SDK1: variants seen among roughly 807,000 people sequenced by gnomAD.
SDK1 encodes protein sidekick-1.
Under a neutral mutation model 245.5 loss-of-function variants are expected in SDK1, and 157 were observed. The observed-to-expected ratio is 0.64, with a 90% CI of 0.56 to 0.73. The LOEUF (loss-of-function observed/expected upper bound fraction) is 0.73. Among genes scored for constraint, SDK1 ranks in the 30% least tolerant of loss-of-function variants. The probability of loss-of-function intolerance (pLI) is 0.00; values close to 1 mark genes in which losing one functional copy is unlikely to be tolerated. For missense variants in SDK1, 3,583 were observed against 3,002.3 expected, an observed-to-expected ratio of 1.19 and a Z score of -4.52; for synonymous variants, 1,647 against 1,278.5, an observed-to-expected ratio of 1.29 and a Z score of -6.15.
intron 34 of SDK1, 131 bp downstream of exon 34, chr7:4,175,965 C>A: frequency 1.4e-6 from 1 of 735,258 alleles, no homozygotes; most frequent in South Asian, 1.5e-5. Flanking sequence ...CTCTCAAACG[C>A]TGCGTCTCCA....
intron 18 of SDK1, among the ~76,000 whole-genome samples, chr7:4,050,944 C>T (rs10263906): frequency 0.31 from 43,070 of 138,286 alleles, 10,266 homozygotes; most frequent in African/African-American, 0.68. Context: ...ACATACTATA[C>T]GTATATATTA....
At chr7:4,171,542 C>T (rs891529935) in intron 32 of SDK1, among the ~76,000 whole-genome samples, 16 of 152,178 alleles carry the variant, frequency 1.1e-4, no homozygotes, top group African/African-American at 3.4e-4. Context: ...GGCTCTGGTT[C>T]GGCGGTTCTG....
chr7:3,794,638 T>A (rs1336739057), intron 4 of SDK1, among the ~76,000 whole-genome samples: 1 of 152,196 alleles, frequency 6.6e-6, no homozygotes, highest in Non-Finnish European at 1.5e-5. Flanking sequence ...CTCTACTGCC[T>A]GGATTCTGCA....
intron 4 of SDK1, among the ~76,000 whole-genome samples, chr7:3,753,658 T>C (rs1283387325): frequency 1.3e-5 from 2 of 152,174 alleles, no homozygotes; most frequent in African/African-American, 2.4e-5. Flanking sequence ...GTAAACCTGT[T>C]TATCACAGGC....
At chr7:3,549,731 G>T (rs956842892) in intron 1 of SDK1, among the ~76,000 whole-genome samples, 1 of 152,110 alleles carries the variant, frequency 6.6e-6, no homozygotes, top group Non-Finnish European at 1.5e-5. Context: ...AAGAATGCTT[G>T]ATCTTTCTAT....
chr7:3,698,657 A>C (rs1426398772), intron 4 of SDK1, among the ~76,000 whole-genome samples: 1 of 152,094 alleles, frequency 6.6e-6, no homozygotes, highest in African/African-American at 2.4e-5. Context: ...TAAAAGTTCA[A>C]GGTCAAGGTG....
chr7:3,660,219 G>A (rs757035769), intron 4 of SDK1, among the ~76,000 whole-genome samples: 2 of 151,860 alleles, frequency 1.3e-5, no homozygotes, highest in Non-Finnish European at 2.9e-5. Context: ...TGCAGAGCAG[G>A]GTAGAGAAAT....
chr7:4,205,813 T>C, intron 35 of SDK1, 66 bp from the exon 36 acceptor site: 1 of 1,277,102 alleles, frequency 7.8e-7, no homozygotes, highest in East Asian at 2.5e-5. Flanking sequence ...CATGGGCATG[T>C]GGGCGAGGGT....
chr7:3,596,632 C>A (rs575882037), intron 1 of SDK1, among the ~76,000 whole-genome samples: 2 of 152,070 alleles, frequency 1.3e-5, no homozygotes, highest in Admixed American at 6.6e-5. Context: ...TGTAGGCAGT[C>A]GTTTTTCTGA....
At chr7:3,347,472 A>G (rs891428760) in intron 1 of SDK1, among the ~76,000 whole-genome samples, 1 of 152,090 alleles carries the variant, frequency 6.6e-6, no homozygotes, top group African/African-American at 2.4e-5. Flanking sequence ...CTATTCTCTG[A>G]TTACTACAGT....
chr7:3,415,713 A>G (rs1246323291), intron 1 of SDK1, among the ~76,000 whole-genome samples: 1 of 149,494 alleles, frequency 6.7e-6, no homozygotes, highest in Non-Finnish European at 1.5e-5. Flanking sequence ...TATATAAATT[A>G]TATATAAATG....
At chr7:3,346,573 A>G (rs116405803) in intron 1 of SDK1, among the ~76,000 whole-genome samples, 345 of 150,230 alleles carry the variant, frequency 2.3e-3, no homozygotes, top group African/African-American at 8.0e-3. Flanking sequence ...GAGCTCAGTG[A>G]TGTGATCATG....
At position 3,470,214 on chromosome 7, in the gene SDK1, C is replaced by G. The variant is rs1266877705; in HGVS notation, c.299-148866C>G. On this transcript the variant is annotated intron_variant, in intron 1 of 44. Transcript: ENST00000404826. ...ATGCCAACCTCCTTTCTCCCTTCTT[C>G]TCTCCCTCCTTTAAACAAATATGCA... Among the ~76,000 whole-genome samples, 4 of 152,240 alleles carry G rather than the reference C, an allele frequency of 2.6e-5. No individual in the cohort carries two copies. The East Asian group carries it at 5.8e-4, about 22-fold the overall frequency.
rs1368797974 is a variant in SDK1 at position 3,700,858 on chromosome 7, T to G, written c.713+58753T>G. On this transcript the variant is annotated intron_variant, in intron 4 of 44. Transcript: ENST00000404826. ...CCACCTTTTTTCCCCTTATTTCTAT[T>G]TTTTTGGTGTGCTTCCGTCAGCTAT... Among the ~76,000 whole-genome samples the G allele has an allele frequency of 4.6e-5, 7 of 152,316 alleles. No homozygotes were observed. In the East Asian group the frequency reaches 1.3e-3, roughly 29 times the overall value.
intron 4 of SDK1, among the ~76,000 whole-genome samples, chr7:3,772,661 C>T (rs1333859896): frequency 3.3e-5 from 5 of 152,158 alleles, no homozygotes; most frequent in Non-Finnish European, 1.5e-5. Context: ...TTTACCTTTA[C>T]TGAAATCTTT....
intron 5 of SDK1, among the ~76,000 whole-genome samples, chr7:3,826,862 G>T (rs182380408): frequency 8.5e-5 from 13 of 152,130 alleles, no homozygotes; most frequent in African/African-American, 2.7e-4. Flanking sequence ...TCGTTTCTGC[G>T]CCCCAAATGG....
intron 19 of SDK1, among the ~76,000 whole-genome samples, chr7:4,062,436 A>G (rs567064310): frequency 3.9e-5 from 6 of 152,342 alleles, no homozygotes; most frequent in African/African-American, 1.2e-4. Context: ...TGAACAGACT[A>G]ATAATGGGTA....
At chr7:3,530,340 C>A (rs1029960452) in intron 1 of SDK1, among the ~76,000 whole-genome samples, 8 of 152,132 alleles carry the variant, frequency 5.3e-5, no homozygotes, top group African/African-American at 1.7e-4. Flanking sequence ...CCCGCATAAA[C>A]ATTTTCAATG....
At chr7:3,853,138 A>T (rs1377141827) in intron 5 of SDK1, among the ~76,000 whole-genome samples, 1 of 150,718 alleles carries the variant, frequency 6.6e-6, no homozygotes, top group African/African-American at 2.5e-5. Flanking sequence ...TTCAATCCAC[A>T]CTTGGTTGAA....
Sources: gnomAD v4.1 joint callset for allele counts (sites outside exome capture counted in the v4.1 genomes callset) on GRCh38, gnomAD v4.1.1 for gene constraint, MANE v1.5 for transcripts, NCBI Gene and HGNC (gene_info 2026-07-23, HGNC 2026-07-21) for gene names.